The following GHRHR variants were observed in gnomAD, a reference collection of about 807,000 sequenced individuals.
The protein encoded by GHRHR is growth hormone-releasing hormone receptor.
GHRHR carries 40 observed loss-of-function variants against 58.3 expected under a neutral mutation model. The observed-to-expected ratio is 0.69, with a 90% CI of 0.53 to 0.89. The LOEUF is 0.89. Ranked by LOEUF, GHRHR falls within the 40% of genes least tolerant of loss-of-function variation. The pLI is 0.00. For synonymous variants in GHRHR, 249 were observed against 216.6 expected (o/e 1.15, Z -1.31); for missense variants, 551 against 541.3 (o/e 1.02, Z -0.18).
In GHRHR at chr7:30,975,835, C is replaced by G. The variant is rs761412028; in HGVS notation, c.941C>G (p.Ala314Gly). 1 of 1,610,508 alleles carries G rather than the reference C, an allele frequency of 6.2e-7. No homozygotes were observed. The part of the protein sequence containing the change: ...IRILVRKLEP[A>G]QGSLHTQSQY... Reference sequence around the variant, plus strand: ...ATCCTGGTGAGGAAACTGGAGCCAGCTCAGGGCAGCCTCCATACCCAGTCT... The same window carrying G: ...ATCCTGGTGAGGAAACTGGAGCCAGGTCAGGGCAGCCTCCATACCCAGTCT... The change falls in exon 10 of 13, where the codon GCT (alanine) becomes GGT (glycine). Residue 314 changes from alanine to glycine, a missense_variant. Coordinates refer to ENST00000326139, the MANE Select transcript of GHRHR (RefSeq NM_000823.4).
intron 4 of GHRHR, 31 bp downstream of exon 4, chr7:30,969,995 A>T (rs1266639431): frequency 6.7e-6 from 6 of 889,138 alleles, no homozygotes. Flanking sequence ...TGGAGGAAGG[A>T]CTGCCATGGA....
chr7:30,977,376 G>A (rs1312156911), intron 12 of GHRHR, 54 bp downstream of exon 12: 2 of 1,484,628 alleles, frequency 1.3e-6, no homozygotes, highest in Non-Finnish European at 1.9e-6. Flanking sequence ...CCAGACCTAA[G>A]GCCCCTCCTC....
At chr7:30,970,923 G>A in intron 4 of GHRHR, 196 bp from the exon 5 acceptor site, 1 of 650,016 alleles carries the variant, frequency 1.5e-6, no homozygotes, top group Non-Finnish European at 2.8e-6. Flanking sequence ...CTCACCCGCA[G>A]GTCAGGTGGA....
chr7:30,970,054 T>G (rs1054337094), intron 4 of GHRHR, 90 bp downstream of exon 4: 52 of 778,658 alleles, frequency 6.7e-5, no homozygotes, highest in Non-Finnish European at 1.0e-4. Flanking sequence ...TTCTCTAGCC[T>G]GCAGATTGGA....
chr7:30,969,094 C>G lies in GHRHR; in HGVS notation c.192C>G (p.Cys64Trp), dbSNP rs1792424646. 1 of 1,581,760 alleles carries G rather than the reference C, an allele frequency of 6.3e-7. No homozygotes were observed. Among genetic ancestry groups the G allele is most frequent in the Admixed American group, 1.8e-5 (1 of 54,566 alleles). ...GCPATWDGLL[C>W]WPTAGSGEWV... is the part of the protein sequence containing the mutation. ...CTGCGACCTGGGATGGGCTGCTGTG[C>G]TGGCCAACGGCAGGCTCTGGCGAGT... Residue 64 changes from cysteine (C) to tryptophan (W), a missense_variant, in exon 3 of 13, where the codon TGC becomes TGG. Cys to Trp is a radical substitution (Grantham distance 215). Transcript: ENST00000326139.
intron 11 of GHRHR, among the ~76,000 whole-genome samples, chr7:30,976,912 C>CTA (rs1379705185): frequency 7.1e-6 from 1 of 141,080 alleles, no homozygotes; most frequent in Non-Finnish European, 1.5e-5. Context: ...ACCCACCCAT[C>CTA]TATACATCCA....
rs1258160697 is a variant in GHRHR at position 30,969,972 on chromosome 7, T to G, written c.366+8T>G. 4 of 1,065,252 alleles carry G rather than the reference T, an allele frequency of 3.8e-6. No homozygotes were observed. In the South Asian group the frequency reaches 5.0e-5, roughly 13 times the overall value. 66.0% of individuals were successfully genotyped at this position (1,065,252 alleles called of 1,614,324 possible). ...GAGCTGCTGGCTGAGGAGGTAAGAG[T>G]CTTCTGGCATCTTGGAGGAAGGACT... On this transcript the variant is annotated splice_region_variant and intron_variant, in intron 4 of 12. Coordinates refer to ENST00000326139, the MANE Select transcript of GHRHR (RefSeq NM_000823.4).
intron 1 of GHRHR, among the ~76,000 whole-genome samples, 194 bp from the exon 2 acceptor site, chr7:30,968,640 C>CCCTTCCTT (rs760999972): frequency 3.7e-5 from 3 of 81,860 alleles, no homozygotes; most frequent in African/African-American, 1.3e-4. Context: ...CTCCCTCCCT[C>CCCTTCCTT]CCTTCCTTCC....
chr7:30,970,912 C>T (rs1466948557), intron 4 of GHRHR: 2 of 636,814 alleles, frequency 3.1e-6, no homozygotes, highest in Non-Finnish European at 5.7e-6. Context: ...ACTACCCCTC[C>T]CTCACCCGCA....
intron 6 of GHRHR, 84 bp downstream of exon 6, chr7:30,972,179 C>T: frequency 6.7e-7 from 1 of 1,500,136 alleles, no homozygotes; most frequent in Admixed American, 1.7e-5. Context: ...CGTCAGGCTT[C>T]CCTGCCCTGT....
At chr7:30,970,845 G>A (rs1434147639) in intron 4 of GHRHR, 16 of 513,302 alleles carry the variant, frequency 3.1e-5, no homozygotes, top group South Asian at 1.6e-4. Flanking sequence ...TAGTTTCTGC[G>A]GCTGCCTCTC....
intron 6 of GHRHR, among the ~76,000 whole-genome samples, chr7:30,973,649 T>C (rs1187476779): frequency 6.6e-6 from 1 of 152,126 alleles, no homozygotes; most frequent in Non-Finnish European, 1.5e-5. Flanking sequence ...TAAGTGAAAA[T>C]AGAAGCAAGT....
In GHRHR at chr7:30,977,317, C is replaced by A; in HGVS notation, c.1141C>A (p.Gln381Lys). ...IVAILYCFLN[Q>K]EVRTEISRKW... Reference sequence around the variant, plus strand: ...TGCCATCCTCTACTGCTTCCTCAACCAAGAGGTGTGTGATTTTTGAGGCTA... The same window carrying A: ...TGCCATCCTCTACTGCTTCCTCAACAAAGAGGTGTGTGATTTTTGAGGCTA... The change falls in exon 12 of 13, where the codon CAA becomes AAA. Residue 381 changes from glutamine to lysine, a missense_variant. By Grantham distance (53) the Gln-to-Lys change is moderately conservative (BLOSUM62 1). Coordinates refer to ENST00000326139, the MANE Select transcript of GHRHR (RefSeq NM_000823.4). 2.5e-6 allele frequency: 4 copies of A among 1,613,784 alleles called. No individual in the cohort carries two copies. Among genetic ancestry groups the A allele is most frequent in the Non-Finnish European group, 3.4e-6 (4 of 1,179,706 alleles).
At chr7:30,976,046 A>G (rs762287877) in intron 10 of GHRHR, 178 bp downstream of exon 10, 2 of 632,348 alleles carry the variant, frequency 3.2e-6, no homozygotes, top group Non-Finnish European at 5.8e-6. Context: ...TGGAAGGATG[A>G]GGACTCCAAA....
rs369716383 is a variant in GHRHR at position 30,975,028 on chromosome 7, C to A, written c.870C>A (p.Val290=). 6.2e-7 allele frequency: 1 copy of A among 1,611,098 alleles called. No individual in the cohort carries two copies. The highest frequency in any genetic ancestry group is 1.3e-5 in the African/African-American group (1 of 74,824). The part of the protein sequence containing the change: ...PYWWIIKGPI[V]LSVGVNFGLF... ...GGTGGATCATCAAAGGGCCCATTGT[C>A]CTCTCGGTCGGGGTCAGTCCCTGGG... The change falls in exon 9 of 13, where the codon GTC becomes GTA. Residue 290 remains valine, a synonymous_variant. Coordinates refer to ENST00000326139, the MANE Select transcript of GHRHR (RefSeq NM_000823.4).
At chr7:30,975,917 G>C in intron 10 of GHRHR, 49 bp downstream of exon 10, 1 of 1,014,130 alleles carries the variant, frequency 9.9e-7, no homozygotes. Flanking sequence ...AACTGGAGGG[G>C]GATTCAATGT....
chr7:30,965,879 G>A (rs186321177), intron 1 of GHRHR, among the ~76,000 whole-genome samples: 17 of 152,360 alleles, frequency 1.1e-4, no homozygotes, highest in Non-Finnish European at 1.8e-4. Context: ...CGCTCAGTCT[G>A]TTGGGAGATG....
intron 7 of GHRHR, 96 bp downstream of exon 7, chr7:30,974,234 C>T: frequency 2.2e-6 from 3 of 1,358,162 alleles, no homozygotes; most frequent in South Asian, 1.2e-5. Context: ...ACTCTGAGGC[C>T]CAGAGAAGGA....
intron 8 of GHRHR, 59 bp downstream of exon 8, chr7:30,974,548 C>G (rs1792540198): frequency 8.4e-7 from 1 of 1,183,800 alleles, no homozygotes; most frequent in Non-Finnish European, 1.3e-6. Flanking sequence ...GTGGAGTGGA[C>G]AGTCAGGCCA....
Sources: allele counts gnomAD v4.1 joint callset (sites outside exome capture counted in the v4.1 genomes callset), GRCh38; gene constraint gnomAD v4.1.1; transcripts MANE v1.5; gene names NCBI Gene and HGNC (gene_info 2026-07-23, HGNC 2026-07-21).